The following ABHD13 variants were observed in gnomAD, a reference collection of about 807,000 sequenced individuals.
ABHD13 encodes the protein abhydrolase domain containing 13, also known as protein ABHD13.
In ABHD13, 7 loss-of-function variants were observed where a neutral mutation model predicts 25.2. The observed-to-expected ratio is 0.28, with a 90% CI of 0.16 to 0.52. The LOEUF (loss-of-function observed/expected upper bound fraction) is 0.52, where lower values mean the gene tolerates loss of function less well. Among genes scored for constraint, ABHD13 ranks in the 20% least tolerant of loss-of-function variants. The pLI is 0.96. For synonymous variants in ABHD13, 133 were observed against 136.1 expected, an observed-to-expected ratio of 0.98 and a Z score of 0.16; for missense variants, 302 against 402.7, an observed-to-expected ratio of 0.75 and a Z score of 2.14.
intron 1 of ABHD13, among the ~76,000 whole-genome samples, chr13:108,226,627 A>G (rs1879678093): frequency 6.6e-6 from 1 of 152,150 alleles, no homozygotes; most frequent in South Asian, 2.1e-4. Flanking sequence ...AGAAAACATA[A>G]TGCTGGCTGT....
intron 1 of ABHD13, among the ~76,000 whole-genome samples, chr13:108,220,866 G>A (rs536484592): frequency 6.6e-6 from 1 of 152,274 alleles, no homozygotes; most frequent in South Asian, 2.1e-4. Flanking sequence ...TAAAGTTTTA[G>A]AACATTGCCC....
intron 1 of ABHD13, among the ~76,000 whole-genome samples, chr13:108,221,226 T>G (rs1879561174): frequency 6.6e-6 from 1 of 152,226 alleles, no homozygotes; most frequent in African/African-American, 2.4e-5. Flanking sequence ...TAATACACAC[T>G]TTTTCATTAT....
chr13:108,229,192 TCTCTAGGATA>T lies in ABHD13; in HGVS notation c.-20-4_-15del, dbSNP rs1879737879. On this transcript the variant is annotated splice_acceptor_variant and splice_polypyrimidine_tract_variant and 5_prime_UTR_variant and intron_variant, in exon 2 of 2. Coordinates refer to ENST00000375898, the MANE Select transcript of ABHD13 (RefSeq NM_032859.3). LOFTEE classifies it low-confidence loss of function (5UTR_SPLICE). This position sits in a 1 kb window ranked among gnomAD's most constrained non-coding sequence, Gnocchi z 4.7. The stretch of plus-strand genomic sequence containing the variant: ...GAATTATTGATATTCTCCCTCTCTC[TCTCTAGGATA>T]CTTACAGAGAGCTACAATGGAAAAG... The T allele has an allele frequency of 6.6e-7, 1 of 1,504,304 alleles. No homozygotes were observed. The highest frequency in any genetic ancestry group is 8.9e-7 in the Non-Finnish European group (1 of 1,127,878). 93.2% of individuals were successfully genotyped at this position (1,504,304 alleles called of 1,614,324 possible).
chr13:108,218,833 G>A (rs1455457889), intron 1 of ABHD13, among the ~76,000 whole-genome samples, 174 bp downstream of exon 1: 5 of 151,930 alleles, frequency 3.3e-5, no homozygotes, highest in Non-Finnish European at 7.4e-5. Context: ...CGGGGGCCGA[G>A]CGCCGGGGGT....
At position 108,234,103 on chromosome 13, in the gene ABHD13, A is replaced by T. The variant is rs1313658952; in HGVS notation, c.*3871A>T. ...TGAAGTGATAAAATTTTATAACTCA[A>T]ATTTGAATGTCATAGTACATTGTGT... On this transcript the variant is annotated 3_prime_UTR_variant, in exon 2 of 2. Coordinates refer to ENST00000375898, the MANE Select transcript of ABHD13 (RefSeq NM_032859.3). 3 of 166,920 alleles carry T rather than the reference A, an allele frequency of 1.8e-5. No individual in the cohort carries two copies. The highest frequency in any genetic ancestry group is 4.4e-5 in the Non-Finnish European group (3 of 67,986). The allele number at this position is 166,920 out of a possible 1,614,324, so 10.3% of individuals were successfully genotyped here. A position where few individuals can be genotyped will look rare whatever the true frequency, so the allele number is the denominator to read the frequency against.
intron 1 of ABHD13, among the ~76,000 whole-genome samples, chr13:108,219,903 G>C (rs1362349341): frequency 1.3e-5 from 2 of 152,164 alleles, no homozygotes; most frequent in Non-Finnish European, 2.9e-5. Context: ...CCTGTGTTCA[G>C]ATACGGTACC....
At chr13:108,223,297 C>T (rs1015010730) in intron 1 of ABHD13, among the ~76,000 whole-genome samples, 14 of 152,154 alleles carry the variant, frequency 9.2e-5, no homozygotes, top group African/African-American at 2.9e-4. Flanking sequence ...TCTGCCAAAC[C>T]TCTAAGTCTG....
Position 108,229,634 on chromosome 13 carries a change from T to C in ABHD13, c.416T>C (p.Val139Ala), listed in dbSNP as rs777717122. 1 of 1,613,364 alleles carries C rather than the reference T, an allele frequency of 6.2e-7. No individual in the cohort carries two copies. The highest frequency in any genetic ancestry group is 1.1e-5 in the South Asian group (1 of 91,058). ...HRLPNALLML[V>A]NLKVNLLLVD... ...TTGCCAAATGCATTACTTATGTTGG[T>C]TAACCTCAAAGTTAACCTTTTGCTG... The change falls in exon 2 of 2, where the codon GTT (valine) becomes GCT (alanine). Residue 139 changes from valine to alanine, a missense_variant. Transcript: ENST00000375898. The surrounding 1 kb of genome is among the most constrained non-coding windows in gnomAD (Gnocchi z 4.7).
chr13:108,223,067 G>C (rs576543496), intron 1 of ABHD13, among the ~76,000 whole-genome samples: 2 of 152,324 alleles, frequency 1.3e-5, no homozygotes, highest in East Asian at 3.9e-4. Flanking sequence ...GTTGTCTCTT[G>C]TTACATCAAA....
Position 108,218,591 on chromosome 13 carries a change from G to C in ABHD13, c.-89G>C, listed in dbSNP as rs1879445312. 1 of 152,140 alleles carries C rather than the reference G, an allele frequency of 6.6e-6. No individual in the cohort carries two copies. Among genetic ancestry groups the C allele is most frequent in the Non-Finnish European group, 1.5e-5 (1 of 68,044 alleles). 9.4% of individuals were successfully genotyped at this position (152,140 alleles called of 1,614,324 possible). ...GATGAGGAGCGACGGAAGCGACGCG[G>C]GGGTACGCTGCTGCGCGGCGCCCGG... is the stretch of plus-strand genomic sequence containing the variant. On this transcript the variant is annotated 5_prime_UTR_variant, in exon 1 of 2. Transcript: ENST00000375898.
At position 108,229,467 on chromosome 13, in the gene ABHD13, C is replaced by T. The variant is rs761076620; in HGVS notation, c.249C>T (p.Gly83=). The change falls in exon 2 of 2, where the codon GGC becomes GGT. Residue 83 remains glycine, a synonymous_variant. Coordinates refer to ENST00000375898, the MANE Select transcript of ABHD13 (RefSeq NM_032859.3). This position sits in a 1 kb window ranked among gnomAD's most constrained non-coding sequence, Gnocchi z 4.7. ...SSRLYVPMPT[G]IPHENIFIRT... is the part of the protein sequence containing the mutation. ...GTCTTTATGTTCCCATGCCCACTGG[C>T]ATTCCACATGAAAACATTTTCATCA... 2 of 1,613,526 alleles carry T rather than the reference C, an allele frequency of 1.2e-6. No individual in the cohort carries two copies. Among genetic ancestry groups the T allele is most frequent in the Admixed American group, 3.3e-5 (2 of 59,956 alleles).
At chr13:108,221,399 C>T (rs1879565915) in intron 1 of ABHD13, among the ~76,000 whole-genome samples, 1 of 152,182 alleles carries the variant, frequency 6.6e-6, no homozygotes, top group Admixed American at 6.5e-5. Flanking sequence ...TATAAGAATA[C>T]TGAATCTGAG....
chr13:108,228,718 T>A (rs549958873), intron 1 of ABHD13, among the ~76,000 whole-genome samples: 24 of 151,916 alleles, frequency 1.6e-4, no homozygotes, highest in African/African-American at 5.3e-4. Flanking sequence ...ATTTCTGAAC[T>A]GCCTTTTCAG....
Position 108,230,394 on chromosome 13 carries a change from G to T in ABHD13, c.*162G>T, listed in dbSNP as rs2139015215. The T allele has an allele frequency of 1.8e-5, 11 of 597,800 alleles. No homozygotes were observed. The highest frequency in any genetic ancestry group is 4.7e-4 in the Middle Eastern group (1 of 2,134). The allele number at this position is 597,800 out of a possible 1,614,324, so 37.0% of individuals were successfully genotyped here. Reference sequence around the variant, plus strand: ...GATATTCCAAATAGTTTTTTACATTGGAAAAACTAATTCTTGGGATTCTTT... The same window carrying T: ...GATATTCCAAATAGTTTTTTACATTTGAAAAACTAATTCTTGGGATTCTTT... On this transcript the variant is annotated 3_prime_UTR_variant, in exon 2 of 2. Transcript: ENST00000375898.
Position 108,231,821 on chromosome 13 carries a change from G to A in ABHD13, c.*1589G>A, listed in dbSNP as rs982180167. 3.0e-5 allele frequency: 5 copies of A among 166,328 alleles called. No homozygotes were observed. The highest frequency in any genetic ancestry group is 6.6e-5 in the Admixed American group (1 of 15,148). 10.3% of individuals were successfully genotyped at this position (166,328 alleles called of 1,614,324 possible). ...ATAGCATTCTTATTCACTTTATGCC[G>A]GTATTTAGAAAAAATAAATTATAGC... On this transcript the variant is annotated 3_prime_UTR_variant, in exon 2 of 2. Transcript: ENST00000375898.
In ABHD13 at chr13:108,233,489, ATTCT is replaced by A. The variant is rs66490834; in HGVS notation, c.*3259_*3262del. 0.045 allele frequency: 7,485 copies of A among 166,802 alleles called. 202 individuals are homozygous for A. The highest frequency in any genetic ancestry group is 0.11 in the East Asian group (554 of 5,172). 10.3% of individuals were successfully genotyped at this position (166,802 alleles called of 1,614,324 possible). On this transcript the variant is annotated 3_prime_UTR_variant, in exon 2 of 2. Coordinates refer to ENST00000375898, the MANE Select transcript of ABHD13 (RefSeq NM_032859.3). ...ATTGAGATACTGAACTCTTCCACTC[ATTCT>A]TCTTTCCCATTTTCCTATTATGTTT...
Position 108,229,205 on chromosome 13 carries a change from T to TA in ABHD13, c.-13dup, listed in dbSNP as rs779448604. 3.3e-6 allele frequency: 5 copies of TA among 1,531,172 alleles called. No homozygotes were observed. The highest frequency in any genetic ancestry group is 2.3e-5 in the Admixed American group (1 of 44,158). 94.8% of individuals were successfully genotyped at this position (1,531,172 alleles called of 1,614,324 possible). A position where few individuals can be genotyped will look rare whatever the true frequency, so the allele number is the denominator to read the frequency against. On this transcript the variant is annotated 5_prime_UTR_variant, in exon 2 of 2. Transcript: ENST00000375898. The surrounding 1 kb of genome is among the most constrained non-coding windows in gnomAD (Gnocchi z 4.7). ...TCTCCCTCTCTCTCTCTAGGATACT[T>TA]ACAGAGAGCTACAATGGAAAAGTCC...
chr13:108,227,381 AAG>A (rs1212982589), intron 1 of ABHD13, among the ~76,000 whole-genome samples: 2 of 152,102 alleles, frequency 1.3e-5, no homozygotes. Context: ...AATAGTGAAA[AAG>A]AGATATACAA....
chr13:108,233,083 GAT>G lies in ABHD13; in HGVS notation c.*2854_*2855del, dbSNP rs1239309607. 1.2e-5 allele frequency: 2 copies of G among 166,702 alleles called. No homozygotes were observed. The highest frequency in any genetic ancestry group is 2.9e-5 in the Non-Finnish European group (2 of 67,956). The allele number at this position is 166,702 out of a possible 1,614,324, so 10.3% of individuals were successfully genotyped here. On this transcript the variant is annotated 3_prime_UTR_variant, in exon 2 of 2. Transcript: ENST00000375898. ...AATTAGGTTTTTGACTGTTAAAATG[GAT>G]ATTTTCATAAAAATGGTGTTCTGAA... is the stretch of plus-strand genomic sequence containing the variant.
Sources: allele counts gnomAD v4.1 joint callset (sites outside exome capture counted in the v4.1 genomes callset), GRCh38; gene constraint gnomAD v4.1.1; non-coding constraint Gnocchi (gnomAD v3.1); transcripts MANE v1.5; gene names NCBI Gene and HGNC (gene_info 2026-07-23, HGNC 2026-07-21).